Variants in SUPT20H observed in about 807,000 individuals in gnomAD.
SUPT20H encodes the protein transcription factor SPT20 homolog.
A neutral mutation model predicts 122.8 loss-of-function variants in SUPT20H; 82 were observed. That is an observed-to-expected ratio of 0.67 (90% confidence interval 0.56 to 0.80). The LOEUF (loss-of-function observed/expected upper bound fraction) is 0.80. SUPT20H is among the 30% of genes least tolerant of loss of function. The probability of loss-of-function intolerance (pLI) is 0.00; values close to 1 mark genes in which losing one functional copy is unlikely to be tolerated. For missense variants in SUPT20H, 831 were observed against 921.6 expected (o/e 0.90, Z 1.27); for synonymous variants, 291 against 313.0 (o/e 0.93, Z 0.74).
At chr13:37,031,070 A>T (rs1351675850) in intron 12 of SUPT20H, among the ~76,000 whole-genome samples, 1 of 152,174 alleles carries the variant, frequency 6.6e-6, no homozygotes, top group East Asian at 1.9e-4. Flanking sequence ...TTTATAGTTC[A>T]TGTATATTAT....
Position 37,020,186 on chromosome 13 carries a change from T to C in SUPT20H, c.1817-789A>G, listed in dbSNP as rs1593986669. On this transcript the variant is annotated intron_variant, in intron 21 of 25. Transcript: ENST00000350612. ...AATTTGAACACTATTTAAAAATGTA[T>C]CTAGTTCTCTATCATATCATTTTTT... Among the ~76,000 whole-genome samples, 8 of 152,248 alleles carry C rather than the reference T, an allele frequency of 5.3e-5. 3 individuals are homozygous for C. The highest frequency in any genetic ancestry group is 5.2e-4 in the Admixed American group (8 of 15,300).
Position 37,024,092 on chromosome 13 carries a change from G to A in SUPT20H, c.1534C>T (p.Leu512Phe). ...GGAGAAAGCATGCTAACTTGATTGAGATCCACAGATGATTTCCGAGGAATA... is the reference window on the plus strand; with the variant it reads ...GGAGAAAGCATGCTAACTTGATTGAAATCCACAGATGATTTCCGAGGAATA... ...SSIPRKSSVD[L>F]NQVSMLSPAA... The change falls in exon 19 of 26, where the codon CTC becomes TTC. Residue 512 changes from leucine to phenylalanine, a missense_variant. Leu to Phe is a conservative substitution (Grantham distance 22). Transcript: ENST00000350612. 2 of 1,613,522 alleles carry A rather than the reference G, an allele frequency of 1.2e-6. No individual in the cohort carries two copies. Among genetic ancestry groups the A allele is most frequent in the South Asian group, 1.1e-5 (1 of 91,020 alleles).
At chr13:37,035,634 T>C (rs1465772456) in intron 9 of SUPT20H, among the ~76,000 whole-genome samples, 2 of 151,934 alleles carry the variant, frequency 1.3e-5, no homozygotes, top group African/African-American at 4.8e-5. Context: ...AATTCTTGAA[T>C]TGCTACTCGG....
At chr13:37,045,209 A>G in intron 6 of SUPT20H, 38 bp downstream of exon 6, 7 of 1,607,160 alleles carry the variant, frequency 4.4e-6, no homozygotes, top group Non-Finnish European at 5.9e-6. Context: ...CTGCCTAGCA[A>G]AAGTATTTTG....
chr13:37,043,010 T>G (rs2065775446), intron 7 of SUPT20H, among the ~76,000 whole-genome samples: 1 of 152,226 alleles, frequency 6.6e-6, no homozygotes, highest in Non-Finnish European at 1.5e-5. Flanking sequence ...TAAGTGTCAG[T>G]CAGTGCTCAG....
chr13:37,056,154 T>C (rs951913402), intron 1 of SUPT20H, among the ~76,000 whole-genome samples: 1 of 152,246 alleles, frequency 6.6e-6, no homozygotes, highest in African/African-American at 2.4e-5. Flanking sequence ...GGAACACTTT[T>C]ACATTGTTGG....
chr13:37,037,328 T>G (rs935871493), intron 9 of SUPT20H, among the ~76,000 whole-genome samples: 11 of 152,244 alleles, frequency 7.2e-5, no homozygotes, highest in African/African-American at 2.7e-4. Flanking sequence ...TCTGTGTTGT[T>G]CAAGGTCAAC....
intron 16 of SUPT20H, chr13:37,025,945 T>G: frequency 2.9e-6 from 1 of 340,686 alleles, no homozygotes; most frequent in Non-Finnish European, 5.3e-6. Flanking sequence ...AAAAGAACCA[T>G]TCTTAGTAGT....
rs1461517132 is a variant in SUPT20H at position 37,039,361 on chromosome 13, G to A, written c.567+1044C>T. 5 of 152,160 alleles carry A rather than the reference G, an allele frequency of 3.3e-5. 1 individual carries two copies. In the East Asian group the frequency reaches 9.7e-4, roughly 29 times the overall value. 9.4% of individuals were successfully genotyped at this position (152,160 alleles called of 1,614,324 possible). A position where few individuals can be genotyped will look rare whatever the true frequency, so the allele number is the denominator to read the frequency against. Reference sequence around the variant, plus strand: ...CTGAAGATAGTAAAGCACAATTAAGGCAATGGCCACCAAGAGGCAGAAGTG... The same window carrying A: ...CTGAAGATAGTAAAGCACAATTAAGACAATGGCCACCAAGAGGCAGAAGTG... On this transcript the variant is annotated intron_variant, in intron 9 of 25. Coordinates refer to ENST00000350612, the MANE Select transcript of SUPT20H (RefSeq NM_001014286.3).
chr13:37,012,849 T>C (rs1190185531), intron 23 of SUPT20H: 4 of 151,108 alleles, frequency 2.6e-5, no homozygotes, highest in Admixed American at 2.0e-4. Context: ...ATGTGAAAAC[T>C]GAAATAAAAA....
In SUPT20H at chr13:37,035,320, A is replaced by G. The variant is rs537705142; in HGVS notation, c.568-1732T>C. On this transcript the variant is annotated intron_variant, in intron 9 of 25. Transcript: ENST00000350612. ...GGAGGAGGTCAAAATAGAAACATTA[A>G]TATGAGTTTGGGAGAAGTTGATTCC... is the stretch of plus-strand genomic sequence containing the variant. Among the ~76,000 whole-genome samples, 10 of 152,368 alleles carry G rather than the reference A, an allele frequency of 6.6e-5. 1 individual carries two copies. The South Asian group carries it at 2.1e-3, about 32-fold the overall frequency.
chr13:37,022,200 G>C lies in SUPT20H; in HGVS notation c.1592-120C>G, dbSNP rs747907335. The C allele has an allele frequency of 5.0e-6, 8 of 1,600,924 alleles. No individual in the cohort carries two copies. Among genetic ancestry groups the C allele is most frequent in the Non-Finnish European group, 6.8e-6 (8 of 1,173,022 alleles). On this transcript the variant is annotated intron_variant, in intron 19 of 25. Transcript: ENST00000350612. The surrounding 1 kb of genome is among the most constrained non-coding windows in gnomAD (Gnocchi z 4.5). Reference sequence around the variant, plus strand: ...CAAAGTGGGCTGAGGGGTGAAGCCTGAATCTTGGGGAGTAGGGGTGGCTGA... The same window carrying C: ...CAAAGTGGGCTGAGGGGTGAAGCCTCAATCTTGGGGAGTAGGGGTGGCTGA...
intron 1 of SUPT20H, among the ~76,000 whole-genome samples, chr13:37,051,949 T>G (rs2067808409): frequency 6.6e-6 from 1 of 152,202 alleles, no homozygotes; most frequent in South Asian, 2.1e-4. Context: ...GCTTGCCCAC[T>G]GGGCTTGATC....
At chr13:37,043,579 T>C (rs1401485410) in intron 7 of SUPT20H, among the ~76,000 whole-genome samples, 3 of 152,190 alleles carry the variant, frequency 2.0e-5, no homozygotes, top group African/African-American at 4.8e-5. Flanking sequence ...CGTTTCAGTA[T>C]ACCCTAAAGG....
At position 37,009,506 on chromosome 13, in the gene SUPT20H, T is replaced by G; in HGVS notation, c.*166A>C. On this transcript the variant is annotated 3_prime_UTR_variant, in exon 26 of 26. Coordinates refer to ENST00000350612, the MANE Select transcript of SUPT20H (RefSeq NM_001014286.3). ...AAACCAACCCTAGTTTGTTAAACCA[T>G]TTCCCTGTTTTTATTTAAAAATGAT... 1 of 951,294 alleles carries G rather than the reference T, an allele frequency of 1.1e-6. No homozygotes were observed. The allele number at this position is 951,294 out of a possible 1,614,324, so 58.9% of individuals were successfully genotyped here.
chr13:37,046,125 T>C (rs950479439), intron 5 of SUPT20H, among the ~76,000 whole-genome samples: 4 of 152,106 alleles, frequency 2.6e-5, no homozygotes, highest in African/African-American at 7.2e-5. Flanking sequence ...AGTAAATATA[T>C]ATTAAACATA....
chr13:37,051,713 C>T (rs2067742273), intron 1 of SUPT20H, 130 bp from the exon 2 acceptor site: 1 of 426,092 alleles, frequency 2.3e-6, no homozygotes, highest in East Asian at 3.5e-5. Flanking sequence ...TTTTAAGACA[C>T]TTTTTAATAA....
intron 5 of SUPT20H, among the ~76,000 whole-genome samples, chr13:37,045,971 T>C (rs918537622): frequency 5.3e-5 from 8 of 152,120 alleles, no homozygotes; most frequent in African/African-American, 1.2e-4. Flanking sequence ...ACAAAGTCCA[T>C]GATTTTAAAA....
chr13:37,041,041 T>C (rs562080671), intron 7 of SUPT20H, among the ~76,000 whole-genome samples: 8 of 152,344 alleles, frequency 5.3e-5, no homozygotes, highest in African/African-American at 1.7e-4. Flanking sequence ...AGGCTTACTG[T>C]TACATTTCAC....
Sources: gnomAD v4.1 joint callset for allele counts (sites outside exome capture counted in the v4.1 genomes callset) on GRCh38, gnomAD v4.1.1 for gene constraint, Gnocchi (gnomAD v3.1) non-coding constraint, MANE v1.5 for transcripts, NCBI Gene and HGNC (gene_info 2026-07-23, HGNC 2026-07-21) for gene names.